CCDC181: variants seen among roughly 807,000 people sequenced by gnomAD.
CCDC181 encodes coiled-coil domain containing 181.
A neutral mutation model predicts 58.7 loss-of-function variants in CCDC181; 35 were observed. That is an observed-to-expected ratio of 0.60 (90% CI 0.46 to 0.79). The LOEUF (loss-of-function observed/expected upper bound fraction) is 0.79, where lower values mean the gene tolerates loss of function less well. Ranked by LOEUF, CCDC181 falls within the 30% of genes least tolerant of loss-of-function variation. CCDC181 has a pLI of 0.00. For synonymous variants in CCDC181, 183 were observed against 197.5 expected (o/e 0.93, Z 0.62); for missense variants, 517 against 583.9 (o/e 0.89, Z 1.18).
chr1:169,403,928 G>T (rs1171306473), intron 4 of CCDC181, among the ~76,000 whole-genome samples: 1 of 152,008 alleles, frequency 6.6e-6, no homozygotes, highest in East Asian at 1.9e-4. Flanking sequence ...GACTAATAAA[G>T]AAGAAAAGAG....
intron 1 of CCDC181, among the ~76,000 whole-genome samples, chr1:169,425,474 G>C (rs924470147): frequency 6.6e-6 from 1 of 151,940 alleles, no homozygotes; most frequent in Non-Finnish European, 1.5e-5. Flanking sequence ...ACACAAAATA[G>C]ATTTGCTAAA....
At chr1:169,395,432 C>A (rs1222421806) in intron 5 of CCDC181, among the ~76,000 whole-genome samples, 1 of 152,166 alleles carries the variant, frequency 6.6e-6, no homozygotes, top group Admixed American at 6.5e-5. Context: ...GTCTGTCTTA[C>A]AATGAAACTG....
At chr1:169,409,681 G>C (rs1451382696) in intron 4 of CCDC181, among the ~76,000 whole-genome samples, 2 of 152,172 alleles carry the variant, frequency 1.3e-5, no homozygotes, top group African/African-American at 4.8e-5. Context: ...ATCAGACTAA[G>C]AGCAGATCTC....
intron 4 of CCDC181, among the ~76,000 whole-genome samples, chr1:169,414,594 C>T (rs1266031311): frequency 6.6e-6 from 1 of 152,094 alleles, no homozygotes; most frequent in East Asian, 1.9e-4. Context: ...ACATATATAT[C>T]ACTGAGCAAG....
At chr1:169,455,034 G>C (rs1357437973) in intron 2 of CCDC181, among the ~76,000 whole-genome samples, 2 of 151,350 alleles carry the variant, frequency 1.3e-5, no homozygotes, top group African/African-American at 4.8e-5. Context: ...TTTGTTTTTT[G>C]CCACTGTATA....
At chr1:169,445,088 C>T (rs1334675631) in intron 2 of CCDC181, among the ~76,000 whole-genome samples, 1 of 152,132 alleles carries the variant, frequency 6.6e-6, no homozygotes, top group African/African-American at 2.4e-5. Context: ...ATGTTTCTTC[C>T]TCAAGTATAA....
chr1:169,456,703 G>A (rs1657684073), intron 2 of CCDC181, among the ~76,000 whole-genome samples: 1 of 152,178 alleles, frequency 6.6e-6, no homozygotes, highest in African/African-American at 2.4e-5. Flanking sequence ...ACTCTGTAGA[G>A]TTCCCACTGG....
intron 4 of CCDC181, among the ~76,000 whole-genome samples, chr1:169,399,709 G>T (rs1446000979): frequency 6.6e-6 from 1 of 152,162 alleles, no homozygotes; most frequent in Admixed American, 6.5e-5. Context: ...ATCATAATTG[G>T]TATCAGATTT....
At chr1:169,446,599 G>T (rs944756352) in intron 2 of CCDC181, among the ~76,000 whole-genome samples, 5 of 152,120 alleles carry the variant, frequency 3.3e-5, no homozygotes, top group African/African-American at 1.2e-4. Context: ...CCAAATGCAG[G>T]TCAAAAATGT....
At chr1:169,441,361 A>T (rs1657224786) in intron 2 of CCDC181, among the ~76,000 whole-genome samples, 1 of 152,166 alleles carries the variant, frequency 6.6e-6, no homozygotes, top group African/African-American at 2.4e-5. Context: ...AATTTCTAAA[A>T]TGGGGCATTT....
chr1:169,400,656 A>G (rs1411357924), intron 4 of CCDC181, among the ~76,000 whole-genome samples: 2 of 152,250 alleles, frequency 1.3e-5, no homozygotes, highest in African/African-American at 4.8e-5. Context: ...AGAGAATCTC[A>G]GTAAAGAAAT....
intron 2 of CCDC181, among the ~76,000 whole-genome samples, chr1:169,440,054 T>G (rs1657170629): frequency 1.3e-5 from 2 of 152,098 alleles, no homozygotes; most frequent in Admixed American, 1.3e-4. Context: ...AACACTGGGA[T>G]GTGAAAACAG....
intron 2 of CCDC181, among the ~76,000 whole-genome samples, chr1:169,440,931 T>TAACAAAAAAAAAAAAAA (rs1657206695): frequency 1.3e-5 from 1 of 76,904 alleles, no homozygotes; most frequent in Non-Finnish European, 2.7e-5. Context: ...CAAGACTGTC[T>TAACAAAAAAAAAAAAAA]AAAAAAAAAA....
chr1:169,457,626 G>A (rs551288273), intron 2 of CCDC181, among the ~76,000 whole-genome samples: 2 of 152,194 alleles, frequency 1.3e-5, no homozygotes, highest in South Asian at 4.1e-4. Context: ...TGACATAGAG[G>A]AATTACTATA....
intron 2 of CCDC181, among the ~76,000 whole-genome samples, chr1:169,445,452 T>G (rs1486730255): frequency 6.6e-6 from 1 of 152,214 alleles, no homozygotes; most frequent in East Asian, 1.9e-4. Context: ...TTATTGATTT[T>G]GAAATGTTGA....
At chr1:169,414,160 ATAC>A (rs953671072) in intron 4 of CCDC181, among the ~76,000 whole-genome samples, 30 of 152,214 alleles carry the variant, frequency 2.0e-4, no homozygotes, top group Non-Finnish European at 3.1e-4. Context: ...GAAAAAAGTT[ATAC>A]CATGCAAATG....
At chr1:169,448,986 G>A (rs191488181) in intron 2 of CCDC181, among the ~76,000 whole-genome samples, 176 of 152,214 alleles carry the variant, frequency 1.2e-3, no homozygotes, top group Non-Finnish European at 2.0e-3. Flanking sequence ...TTAAGATAGT[G>A]TCTCTGATTT....
intron 4 of CCDC181, among the ~76,000 whole-genome samples, chr1:169,413,890 G>A (rs983258791): frequency 2.0e-5 from 3 of 151,942 alleles, no homozygotes; most frequent in Non-Finnish European, 4.4e-5. Flanking sequence ...GCTAGGGGAG[G>A]GATAGCATTA....
intron 3 of CCDC181, among the ~76,000 whole-genome samples, chr1:169,419,898 G>A (rs1028281038): frequency 5.9e-5 from 9 of 152,116 alleles, no homozygotes; most frequent in African/African-American, 2.2e-4. Flanking sequence ...GAAAATATGG[G>A]CATAAAAAAG....
Sources: allele counts gnomAD v4.1 joint callset (sites outside exome capture counted in the v4.1 genomes callset), GRCh38; gene constraint gnomAD v4.1.1; transcripts MANE v1.5; gene names NCBI Gene and HGNC (gene_info 2026-07-23, HGNC 2026-07-21).